PIK3C3: variants seen among roughly 807,000 people sequenced by gnomAD.
PIK3C3 encodes the protein PI3-kinase type 3.
In PIK3C3, 95 loss-of-function variants were observed where a neutral mutation model predicts 126.1. The observed-to-expected ratio is 0.75, with a 90% confidence interval of 0.64 to 0.89. The LOEUF (loss-of-function observed/expected upper bound fraction) is 0.89, where lower values mean the gene tolerates loss of function less well. Among genes scored for constraint, PIK3C3 ranks in the 40% least tolerant of loss-of-function variants. The pLI is 0.00. For synonymous variants in PIK3C3, 374 were observed against 360.0 expected, an observed-to-expected ratio of 1.04 and a Z score of -0.44; for missense variants, 829 against 1,063.2, an observed-to-expected ratio of 0.78 and a Z score of 3.06.
chr18:42,081,230 G>A lies in PIK3C3; in HGVS notation c.*93G>A. 1 of 751,948 alleles carries A rather than the reference G, an allele frequency of 1.3e-6. No individual in the cohort carries two copies. The allele number at this position is 751,948 out of a possible 1,614,324, so 46.6% of individuals were successfully genotyped here. On this transcript the variant is annotated 3_prime_UTR_variant, in exon 25 of 25. Coordinates refer to ENST00000262039, the MANE Select transcript of PIK3C3 (RefSeq NM_002647.4). Reference sequence around the variant, plus strand: ...TTGGAGACTTCAGAGTAACCAGCAAGGAAGAGAAATCTTAATCTTCAAGTT... The same window carrying A: ...TTGGAGACTTCAGAGTAACCAGCAAAGAAGAGAAATCTTAATCTTCAAGTT...
At chr18:42,057,232 T>G (rs1985109952) in intron 21 of PIK3C3, among the ~76,000 whole-genome samples, 1 of 151,978 alleles carries the variant, frequency 6.6e-6, no homozygotes, top group East Asian at 1.9e-4. Context: ...ACAACTAAAT[T>G]GCTATTTACA....
intron 16 of PIK3C3, among the ~76,000 whole-genome samples, chr18:42,035,951 G>A (rs2144458651): frequency 6.6e-6 from 1 of 152,112 alleles, no homozygotes; most frequent in East Asian, 1.9e-4. Context: ...GTTATCCTGT[G>A]GTTGTTTTCT....
At position 41,959,145 on chromosome 18, in the gene PIK3C3, T is replaced by C. The variant is rs1027398391; in HGVS notation, c.257+1387T>C. Among the ~76,000 whole-genome samples, 3 of 152,172 alleles carry C rather than the reference T, an allele frequency of 2.0e-5. No homozygotes were observed. In the South Asian group the frequency reaches 6.2e-4, roughly 31 times the overall value. ...CAAAGCTTTAATTAGATTTTTGAGG[T>C]CACCTATTACTCTCAGAAGAGTTAA... is the stretch of plus-strand genomic sequence containing the variant. On this transcript the variant is annotated intron_variant, in intron 2 of 24. Coordinates refer to ENST00000262039, the MANE Select transcript of PIK3C3 (RefSeq NM_002647.4).
chr18:42,031,652 A>C (rs1444493151), intron 15 of PIK3C3, among the ~76,000 whole-genome samples: 5 of 152,132 alleles, frequency 3.3e-5, no homozygotes, highest in African/African-American at 4.8e-5. Context: ...ACTGACCTCA[A>C]GTGATCTGCC....
rs1177356063 is a variant in PIK3C3 at position 42,080,004 on chromosome 18, T to A, written c.2650-1119T>A. Among the ~76,000 whole-genome samples, 975 of 150,374 alleles carry A rather than the reference T, an allele frequency of 6.5e-3. 16 individuals are homozygous for A. The highest frequency in any genetic ancestry group is 0.021 in the African/African-American group (843 of 40,754). ...GTGTGTATGTAAGAGAGAGAGTGTG[T>A]GTGTGTGTGTGTGTGTGTGTGTGTA... On this transcript the variant is annotated intron_variant, in intron 24 of 24. Coordinates refer to ENST00000262039, the MANE Select transcript of PIK3C3 (RefSeq NM_002647.4).
At chr18:42,050,388 T>TA (rs1262944045) in intron 21 of PIK3C3, 2 of 152,238 alleles carry the variant, frequency 1.3e-5, no homozygotes, top group Non-Finnish European at 2.9e-5. Context: ...CTTCCAGACT[T>TA]ACAGCTTTTT....
At chr18:42,011,509 G>A in intron 10 of PIK3C3, among the ~76,000 whole-genome samples, 1 of 152,134 alleles carries the variant, frequency 6.6e-6, no homozygotes, top group East Asian at 1.9e-4. Flanking sequence ...GAGAGAATTA[G>A]GGCCTTGCTC....
chr18:41,958,760 CACAT>C (rs1415202834), intron 2 of PIK3C3, among the ~76,000 whole-genome samples: 1 of 151,744 alleles, frequency 6.6e-6, no homozygotes, highest in Admixed American at 6.6e-5. Flanking sequence ...TATACACACA[CACAT>C]AAAAAATATA....
chr18:42,072,532 C>G (rs1598957497), intron 24 of PIK3C3, among the ~76,000 whole-genome samples: 4 of 152,228 alleles, frequency 2.6e-5, no homozygotes, highest in Non-Finnish European at 5.9e-5. Flanking sequence ...TAACCCTTCT[C>G]TATGCCAAAA....
chr18:42,009,706 TTACATTATGTAATG>T (rs1246574839), intron 10 of PIK3C3, among the ~76,000 whole-genome samples: 1 of 147,034 alleles, frequency 6.8e-6, no homozygotes, highest in Non-Finnish European at 1.5e-5. Flanking sequence ...TATGTAATGC[TTACATTATGTAATG>T]TACATTATGT....
rs553752034 is a variant in PIK3C3 at position 42,011,118 on chromosome 18, G to A, written c.1171-2324G>A. ...GATGTCATTCAGGCTTTGTTCTTCC[G>A]TTTATAGAGCACAGGCAATGTAGAT... On this transcript the variant is annotated intron_variant, in intron 10 of 24. Coordinates refer to ENST00000262039, the MANE Select transcript of PIK3C3 (RefSeq NM_002647.4). Among the ~76,000 whole-genome samples the A allele has an allele frequency of 9.2e-5, 14 of 152,234 alleles. No individual in the cohort carries two copies. In the South Asian group the frequency reaches 2.1e-3, roughly 23 times the overall value.
chr18:42,063,808 C>T (rs201458848), intron 22 of PIK3C3, among the ~76,000 whole-genome samples: 81 of 152,144 alleles, frequency 5.3e-4, no homozygotes, highest in African/African-American at 1.9e-3. Context: ...GATCCTGCCC[C>T]CATCCCCTAG....
Position 42,039,000 on chromosome 18 carries a change from TCTTTC to T in PIK3C3, c.2038+154_2038+158del, listed in dbSNP as rs1598920665. On this transcript the variant is annotated intron_variant, in intron 18 of 24. Transcript: ENST00000262039. ...GACCTTCCTGCCTGCTTCCCTTCTG[TCTTTC>T]CTTCTTTCCTGTTTCTCAGTAACTA... 6.7e-6 allele frequency: 4 copies of T among 600,898 alleles called. No homozygotes were observed. The East Asian group carries it at 1.2e-4, about 17-fold the overall frequency. 37.2% of individuals were successfully genotyped at this position (600,898 alleles called of 1,614,324 possible). A position where few individuals can be genotyped will look rare whatever the true frequency, so the allele number is the denominator to read the frequency against.
intron 18 of PIK3C3, among the ~76,000 whole-genome samples, chr18:42,039,483 T>C (rs2144467494): frequency 6.6e-6 from 1 of 152,368 alleles, no homozygotes; most frequent in Non-Finnish European, 1.5e-5. Flanking sequence ...TTCTAAGTGC[T>C]TGCATAGTGT....
Position 42,038,807 on chromosome 18 carries a change from G to A in PIK3C3, c.1995G>A (p.Leu665=). ...TGTTACGGAAAGAAAATCTGGACTT[G>A]AAATTGACACCTTATAAGGTGTTAG... ...DKLLRKENLD[L]KLTPYKVLAT... is the part of the protein sequence containing the mutation. The change falls in exon 18 of 25, where the codon TTG becomes TTA. Residue 665 remains leucine (L), a synonymous_variant. Transcript: ENST00000262039. 2 of 1,606,952 alleles carry A rather than the reference G, an allele frequency of 1.2e-6. No individual in the cohort carries two copies. The highest frequency in any genetic ancestry group is 1.7e-6 in the Non-Finnish European group (2 of 1,174,138).
At chr18:42,057,791 A>C (rs558045505) in intron 21 of PIK3C3, 92 bp from the exon 22 acceptor site, 23 of 1,108,124 alleles carry the variant, frequency 2.1e-5, no homozygotes, top group Admixed American at 1.7e-4. Context: ...TTCTTTATGA[A>C]GAGACACTGT....
intron 20 of PIK3C3, among the ~76,000 whole-genome samples, chr18:42,046,043 T>C (rs1228162043): frequency 6.6e-6 from 1 of 152,026 alleles, no homozygotes; most frequent in African/African-American, 2.4e-5. Flanking sequence ...TGGTCCATTT[T>C]CCCCCCAAGA....
intron 9 of PIK3C3, among the ~76,000 whole-genome samples, chr18:42,002,458 T>C (rs1317676322): frequency 1.3e-5 from 2 of 152,186 alleles, no homozygotes; most frequent in Admixed American, 6.6e-5. Context: ...ATTGGAAAGG[T>C]TGTCCACATC....
chr18:42,041,456 G>A (rs951675422), intron 19 of PIK3C3, among the ~76,000 whole-genome samples: 1 of 149,374 alleles, frequency 6.7e-6, no homozygotes, highest in Middle Eastern at 3.5e-3. Context: ...AAGGTGAGTG[G>A]TTCTGTGACA....
Sources: gnomAD v4.1 joint callset for allele counts (sites outside exome capture counted in the v4.1 genomes callset) on GRCh38, gnomAD v4.1.1 for gene constraint, MANE v1.5 for transcripts, NCBI Gene and HGNC (gene_info 2026-07-23, HGNC 2026-07-21) for gene names.